NRXN3: variants seen among roughly 807,000 people sequenced by gnomAD.
The protein encoded by NRXN3 is neurexin 3.
Under a neutral mutation model 137.6 loss-of-function variants are expected in NRXN3, and 32 were observed. The ratio of observed to expected loss-of-function variants is 0.23; its 90% CI spans 0.18 to 0.31. NRXN3 has a LOEUF of 0.31. Among genes scored for constraint, NRXN3 ranks in the 10% least tolerant of loss-of-function variants. The pLI, the probability that NRXN3 is intolerant of heterozygous loss-of-function variation, is 1.00. For missense variants in NRXN3, 1,574 were observed against 2,062.5 expected (o/e 0.76, Z 4.59); for synonymous variants, 798 against 784.5 (o/e 1.02, Z -0.29).
At chr14:78,856,431 A>G (rs2099057268) in intron 10 of NRXN3, among the ~76,000 whole-genome samples, 2 of 152,210 alleles carry the variant, frequency 1.3e-5, no homozygotes, top group Non-Finnish European at 2.9e-5. Flanking sequence ...TAACTAATGT[A>G]AATACTTCTG....
intron 2 of NRXN3, among the ~76,000 whole-genome samples, chr14:78,268,330 G>A (rs113335354): frequency 0.013 from 1,908 of 152,106 alleles, 44 homozygotes; most frequent in African/African-American, 0.044. Flanking sequence ...TGGATGTTGT[G>A]ATGTTGTATT....
intron 16 of NRXN3, among the ~76,000 whole-genome samples, chr14:79,585,725 A>C (rs1275909177): frequency 6.6e-6 from 1 of 151,756 alleles, no homozygotes; most frequent in Non-Finnish European, 1.5e-5. Context: ...TTGATAAATA[A>C]AATATAACTC....
intron 4 of NRXN3, among the ~76,000 whole-genome samples, chr14:78,532,706 A>G (rs1488847016): frequency 6.6e-6 from 1 of 151,164 alleles, no homozygotes; most frequent in African/African-American, 2.4e-5. Context: ...ACATCTCTTT[A>G]GCTCCCATCT....
chr14:79,571,343 C>T (rs978525191), intron 16 of NRXN3, among the ~76,000 whole-genome samples: 4 of 152,116 alleles, frequency 2.6e-5, no homozygotes, highest in African/African-American at 9.7e-5. Flanking sequence ...CAAGACATAT[C>T]CTCACTGAAA....
chr14:78,922,925 A>G (rs2099274956), intron 10 of NRXN3, among the ~76,000 whole-genome samples: 1 of 152,222 alleles, frequency 6.6e-6, no homozygotes, highest in Admixed American at 6.5e-5. Flanking sequence ...TTTTGCAGAC[A>G]TTGTCACAGC....
At position 78,320,689 on chromosome 14, in the gene NRXN3, G is replaced by A. The variant is rs552630312; in HGVS notation, c.757+22829G>A. ...GCTGGTGGTCAACTGGGAGTTGGGG[G>A]TACCGTGTGGCTTTCCTGTGTGTTG... On this transcript the variant is annotated intron_variant, in intron 4 of 20. Coordinates refer to ENST00000335750, the MANE Select transcript of NRXN3 (RefSeq NM_001330195.2). Among the ~76,000 whole-genome samples the A allele has an allele frequency of 8.5e-5, 13 of 152,324 alleles. No individual in the cohort carries two copies. In the South Asian group the frequency reaches 2.5e-3, roughly 29 times the overall value.
At position 79,369,655 on chromosome 14, in the gene NRXN3, T is replaced by C. The variant is rs115105055; in HGVS notation, c.3263-97566T>C. ...GTTTCCCTGTCTCATGGTAAAATCA[T>C]GGACAGATGTTACCCCTCAATTTTC... On this transcript the variant is annotated intron_variant, in intron 15 of 20. Transcript: ENST00000335750. Among the ~76,000 whole-genome samples, 1,111 of 152,298 alleles carry C rather than the reference T, an allele frequency of 7.3e-3. 8 individuals are homozygous for C. Among genetic ancestry groups the C allele is most frequent in the African/African-American group, 0.025 (1,059 of 41,562 alleles).
At chr14:78,425,175 G>A (rs919899863) in intron 4 of NRXN3, among the ~76,000 whole-genome samples, 10 of 152,288 alleles carry the variant, frequency 6.6e-5, no homozygotes, top group South Asian at 2.1e-4. Context: ...CCACTTCCTC[G>A]ATCTTTAACT....
chr14:78,921,120 T>C (rs542854656), intron 10 of NRXN3, among the ~76,000 whole-genome samples: 9 of 152,200 alleles, frequency 5.9e-5, no homozygotes, highest in Non-Finnish European at 1.0e-4. Context: ...AGCAAAAAGC[T>C]ACCCTTTTCT....
At chr14:78,624,473 T>C (rs1217922190) in intron 4 of NRXN3, among the ~76,000 whole-genome samples, 1 of 152,202 alleles carries the variant, frequency 6.6e-6, no homozygotes, top group East Asian at 1.9e-4. Context: ...CCCTGAGAGC[T>C]GGCATGGCAA....
chr14:78,602,032 C>G (rs1194504496), intron 4 of NRXN3, among the ~76,000 whole-genome samples: 1 of 152,112 alleles, frequency 6.6e-6, no homozygotes, highest in African/African-American at 2.4e-5. Flanking sequence ...CTTGGATGAA[C>G]TACAGGTTTA....
At chr14:79,291,965 TC>T (rs2083277154) in intron 15 of NRXN3, among the ~76,000 whole-genome samples, 1 of 152,122 alleles carries the variant, frequency 6.6e-6, no homozygotes, top group South Asian at 2.1e-4. Flanking sequence ...CTGCATTTAA[TC>T]TTTACTGACC....
At chr14:79,402,537 A>T (rs1159085180) in intron 15 of NRXN3, among the ~76,000 whole-genome samples, 3 of 152,180 alleles carry the variant, frequency 2.0e-5, no homozygotes, top group Non-Finnish European at 2.9e-5. Context: ...AAAATTAATG[A>T]TATTGTAGGT....
At chr14:79,524,562 A>C (rs2097100916) in intron 16 of NRXN3, among the ~76,000 whole-genome samples, 1 of 152,178 alleles carries the variant, frequency 6.6e-6, no homozygotes, top group East Asian at 1.9e-4. Flanking sequence ...TTCTGGGGAT[A>C]ATATTGTCAA....
chr14:79,764,168 G>A (rs1372188205), intron 19 of NRXN3, among the ~76,000 whole-genome samples: 1 of 149,920 alleles, frequency 6.7e-6, no homozygotes, highest in Non-Finnish European at 1.5e-5. Flanking sequence ...TGGTGGGTGG[G>A]GGGGGTGTTA....
At chr14:79,768,544 G>A (rs553292342) in intron 19 of NRXN3, among the ~76,000 whole-genome samples, 1,735 of 151,998 alleles carry the variant, frequency 0.011, 33 homozygotes, top group African/African-American at 0.038. Context: ...GTACTCCAAC[G>A]GACCTGCCGC....
chr14:78,266,491 G>T (rs2071742092), intron 2 of NRXN3, among the ~76,000 whole-genome samples: 1 of 152,246 alleles, frequency 6.6e-6, no homozygotes, highest in Admixed American at 6.5e-5. Context: ...TAGAGACAGG[G>T]TTTCACCTTG....
chr14:79,831,229 A>G (rs1388566281), intron 20 of NRXN3, among the ~76,000 whole-genome samples: 1 of 152,208 alleles, frequency 6.6e-6, no homozygotes, highest in Non-Finnish European at 1.5e-5. Flanking sequence ...ACTCTCTCTG[A>G]AGCTTAACAG....
intron 10 of NRXN3, among the ~76,000 whole-genome samples, chr14:78,854,469 A>C (rs555874592): frequency 6.6e-6 from 1 of 152,184 alleles, no homozygotes; most frequent in Admixed American, 6.6e-5. Flanking sequence ...AGAGTGGGCC[A>C]TATTTCAGTG....
Sources: allele counts gnomAD v4.1 joint callset (sites outside exome capture counted in the v4.1 genomes callset), GRCh38; gene constraint gnomAD v4.1.1; transcripts MANE v1.5; gene names NCBI Gene and HGNC (gene_info 2026-07-23, HGNC 2026-07-21).